The following ZBTB17 variants were observed in gnomAD, a reference collection of about 807,000 sequenced individuals.
ZBTB17 encodes the protein zinc finger and BTB domain-containing protein 17.
ZBTB17 carries 24 observed loss-of-function variants against 85.1 expected under a neutral mutation model. The ratio of observed to expected loss-of-function variants is 0.28; its 90% confidence interval spans 0.20 to 0.40. The LOEUF is 0.40. ZBTB17 is among the 10% of genes least tolerant of loss of function. The probability of loss-of-function intolerance (pLI) is 1.00; values close to 1 mark genes in which losing one functional copy is unlikely to be tolerated. For missense variants in ZBTB17, 743 were observed against 1,105.1 expected (o/e 0.67, Z 4.65); for synonymous variants, 464 against 460.2 (o/e 1.01, Z -0.11).
At chr1:15,969,760 CAGT>C in intron 2 of ZBTB17, 1 of 498,688 alleles carries the variant, frequency 2.0e-6, no homozygotes, top group Non-Finnish European at 3.9e-6. Context: ...CCTCATGGGA[CAGT>C]GTCAAACAAT....
chr1:15,968,962 G>A lies in ZBTB17; in HGVS notation c.-3+4077C>T, dbSNP rs997963647. Among the ~76,000 whole-genome samples, 3 of 152,222 alleles carry A rather than the reference G, an allele frequency of 2.0e-5. No homozygotes were observed. In the East Asian group the frequency reaches 5.8e-4, roughly 29 times the overall value. ...CTGGGCCACAAACCACTGCTGGTCC[G>A]TGGCCTGTTAGGAAGTGGGCTACAT... On this transcript the variant is annotated intron_variant, in intron 2 of 15. Transcript: ENST00000375743.
rs368840252 is a variant in ZBTB17, at chr1:15,958,983, A to G, written c.-2-10486T>C. ...TCACACTGGGACTTGAAAGGGGGAGATGAAGTCCCACTGGGCTGGACCCTT... is the reference window on the plus strand; with the variant it reads ...TCACACTGGGACTTGAAAGGGGGAGGTGAAGTCCCACTGGGCTGGACCCTT... On this transcript the variant is annotated intron_variant, in intron 2 of 15. Transcript: ENST00000375743. Among the ~76,000 whole-genome samples the G allele has an allele frequency of 1.2e-3, 178 of 152,254 alleles. 1 individual carries two copies. Among genetic ancestry groups the G allele is most frequent in the African/African-American group, 4.1e-3 (170 of 41,536 alleles).
chr1:15,971,381 C>A (rs868165511), intron 2 of ZBTB17, among the ~76,000 whole-genome samples: 4 of 132,442 alleles, frequency 3.0e-5, no homozygotes, highest in African/African-American at 8.5e-5. Flanking sequence ...TATACACACA[C>A]TATATATATA....
Position 15,944,610 on chromosome 1 carries a change from CAGA to C in ZBTB17, c.1071-13_1071-11del. The C allele has an allele frequency of 1.3e-6, 2 of 1,599,686 alleles. No individual in the cohort carries two copies. On this transcript the variant is annotated splice_polypyrimidine_tract_variant and intron_variant, in intron 8 of 15. Transcript: ENST00000375743. ...GTAGGGCTTCAGAGGGCTGCAGGGC[CAGA>C]AGGCGACAGGAGGCAGGGCTCGCTG... is the stretch of plus-strand genomic sequence containing the variant.
In ZBTB17 at chr1:15,966,525, C is replaced by G. The variant is rs1216440434; in HGVS notation, c.-3+6514G>C. On this transcript the variant is annotated intron_variant, in intron 2 of 15. Transcript: ENST00000375743. The surrounding 1 kb of genome is among the most constrained non-coding windows in gnomAD (Gnocchi z 4.1). ...AACAACTCTCAGTTCTAACCATGCC[C>G]TTTGCTTCCTTCCTTTGAAGCCCAG... 2.0e-5 allele frequency among the ~76,000 whole-genome samples: 3 copies of G among 152,196 alleles called. No individual in the cohort carries two copies. The highest frequency in any genetic ancestry group is 4.4e-5 in the Non-Finnish European group (3 of 68,040).
chr1:15,948,997 G>A (rs1234092127), intron 2 of ZBTB17, among the ~76,000 whole-genome samples: 2 of 152,148 alleles, frequency 1.3e-5, no homozygotes, highest in Non-Finnish European at 2.9e-5. Flanking sequence ...ACAAGACGGT[G>A]TTTCATCAGC....
intron 9 of ZBTB17, 29 bp downstream of exon 9, chr1:15,944,271 G>C (rs1307424191): frequency 4.5e-6 from 7 of 1,548,562 alleles, no homozygotes; most frequent in Non-Finnish European, 6.1e-6. Flanking sequence ...GCGGCTGCCA[G>C]GCGCTGGTTC....
intron 2 of ZBTB17, among the ~76,000 whole-genome samples, chr1:15,961,203 C>G (rs2072246854): frequency 6.6e-6 from 1 of 152,164 alleles, no homozygotes; most frequent in Non-Finnish European, 1.5e-5. Context: ...ATAACAGATA[C>G]AGTGTGACAA....
chr1:15,960,140 T>G (rs1299896546), intron 2 of ZBTB17, among the ~76,000 whole-genome samples: 1 of 152,188 alleles, frequency 6.6e-6, no homozygotes, highest in Non-Finnish European at 1.5e-5. Context: ...TGTGGGGGGC[T>G]TGCTGCTCCC....
chr1:15,943,852 C>T lies in ZBTB17; in HGVS notation c.1415G>A (p.Gly472Glu), dbSNP rs1447998017. 1 of 1,610,670 alleles carries T rather than the reference C, an allele frequency of 6.2e-7. No individual in the cohort carries two copies. The highest frequency in any genetic ancestry group is 8.5e-7 in the Non-Finnish European group (1 of 1,178,912). ...CCCACACTCTCGGCACTTGAGGGGC[C>T]CGTCAGCGATGTGGATCTTCAGGTG... ...KAHLKIHIAD[G>E]PLKCRECGKQ... Residue 472 changes from glycine to glutamate, a missense_variant, in exon 10 of 16, where the codon GGG becomes GAG. This residue lies in a region of ZBTB17 where 321 missense variants were observed against 615.7 expected (regional missense o/e 0.52). Coordinates refer to ENST00000375743, the MANE Select transcript of ZBTB17 (RefSeq NM_003443.3).
rs751280090 is a variant in ZBTB17, at chr1:15,942,315, G to A, written c.2128+16C>T. ...CCGGGCTCTGCCCACATTCACACCC[G>A]GGTGGCCCCCCTCACCTTCTTCCTG... On this transcript the variant is annotated intron_variant, in intron 15 of 15. Coordinates refer to ENST00000375743, the MANE Select transcript of ZBTB17 (RefSeq NM_003443.3). 77 of 1,613,834 alleles carry A rather than the reference G, an allele frequency of 4.8e-5. No individual in the cohort carries two copies. The highest frequency in any genetic ancestry group is 8.8e-5 in the South Asian group (8 of 91,086).
chr1:15,960,124 C>T (rs775382869), intron 2 of ZBTB17, among the ~76,000 whole-genome samples: 3 of 152,220 alleles, frequency 2.0e-5, no homozygotes, highest in African/African-American at 2.4e-5. Flanking sequence ...CAATTCAACA[C>T]GCAACTGTGG....
In ZBTB17 at chr1:15,952,456, C is replaced by T. The variant is rs936928926; in HGVS notation, c.-2-3959G>A. Among the ~76,000 whole-genome samples the T allele has an allele frequency of 1.1e-4, 16 of 152,244 alleles. No individual in the cohort carries two copies. The highest frequency in any genetic ancestry group is 4.4e-5 in the Non-Finnish European group (3 of 68,046). On this transcript the variant is annotated intron_variant, in intron 2 of 15. Coordinates refer to ENST00000375743, the MANE Select transcript of ZBTB17 (RefSeq NM_003443.3). This position sits in a 1 kb window ranked among gnomAD's most constrained non-coding sequence, Gnocchi z 4.3. ...CAGAACCGACACGGCGGAACGGACG[C>T]GGATGATGCAGAGCCCCTCTCAGGA...
intron 2 of ZBTB17, among the ~76,000 whole-genome samples, chr1:15,958,992 C>T (rs2072152505): frequency 6.6e-6 from 1 of 152,168 alleles, no homozygotes; most frequent in African/African-American, 2.4e-5. Flanking sequence ...GATGAAGTCC[C>T]ACTGGGCTGG....
rs368454866 is a variant in ZBTB17, at chr1:15,968,978, T to C, written c.-3+4061A>G. 1.1e-4 allele frequency among the ~76,000 whole-genome samples: 17 copies of C among 152,338 alleles called. No individual in the cohort carries two copies. In the East Asian group the frequency reaches 1.7e-3, roughly 16 times the overall value. On this transcript the variant is annotated intron_variant, in intron 2 of 15. Coordinates refer to ENST00000375743, the MANE Select transcript of ZBTB17 (RefSeq NM_003443.3). Reference sequence around the variant, plus strand: ...TGCTGGTCCGTGGCCTGTTAGGAAGTGGGCTACATGGCAGGTGAGTGGCGG... The same window carrying C: ...TGCTGGTCCGTGGCCTGTTAGGAAGCGGGCTACATGGCAGGTGAGTGGCGG...
rs180883927 is a variant in ZBTB17 at position 15,975,547 on chromosome 1, T to A, written c.-90+436A>T. The stretch of plus-strand genomic sequence containing the variant: ...GACAGCGTCGGCCTCCTCTGTCAGC[T>A]CCTCCTAGGCCCGGGCAGCCCCGCT... On this transcript the variant is annotated intron_variant, in intron 1 of 15. Transcript: ENST00000375743. 6.5e-3 allele frequency among the ~76,000 whole-genome samples: 984 copies of A among 152,270 alleles called. 8 individuals carry two copies. The highest frequency in any genetic ancestry group is 0.02 in the Middle Eastern group (6 of 294).
rs1014661237 is a variant in ZBTB17 at position 15,942,432 on chromosome 1, G to A, written c.2039-12C>T. 3 of 1,612,972 alleles carry A rather than the reference G, an allele frequency of 1.9e-6. No individual in the cohort carries two copies. In the African/African-American group the frequency reaches 4.0e-5, roughly 22 times the overall value. ...TCCCACCGGCACCACTGCGGGCAGAGTCGCAGGGCCTAAGGTGAAGGCACG... is the reference window on the plus strand; with the variant it reads ...TCCCACCGGCACCACTGCGGGCAGAATCGCAGGGCCTAAGGTGAAGGCACG... On this transcript the variant is annotated splice_polypyrimidine_tract_variant and intron_variant, in intron 14 of 15. Coordinates refer to ENST00000375743, the MANE Select transcript of ZBTB17 (RefSeq NM_003443.3).
chr1:15,943,327 GC>G (rs1377507062), intron 12 of ZBTB17, 71 bp downstream of exon 12: 3 of 1,583,356 alleles, frequency 1.9e-6, no homozygotes, highest in Admixed American at 1.7e-5. Context: ...CCCCAGCCAA[GC>G]CCCCAGTTTG....
At chr1:15,972,627 A>G (rs2072728045) in intron 2 of ZBTB17, among the ~76,000 whole-genome samples, 1 of 152,204 alleles carries the variant, frequency 6.6e-6, no homozygotes, top group African/African-American at 2.4e-5. Flanking sequence ...TACAGCAGCC[A>G]GCTTGGACCA....
Sources: gnomAD v4.1 joint callset for allele counts (sites outside exome capture counted in the v4.1 genomes callset) on GRCh38, gnomAD v4.1.1 for gene constraint, gnomAD v4.1.1 regional missense constraint, Gnocchi (gnomAD v3.1) non-coding constraint, MANE v1.5 for transcripts, NCBI Gene and HGNC (gene_info 2026-07-23, HGNC 2026-07-21) for gene names.